Variants in NHS observed in about 807,000 individuals in gnomAD.
NHS encodes NHS actin remodeling regulator, also known as actin remodeling regulator NHS.
NHS carries 5 observed loss-of-function variants against 72.5 expected under a neutral mutation model. The observed-to-expected ratio is 0.07, with a 90% CI of 0.04 to 0.14. The LOEUF (loss-of-function observed/expected upper bound fraction) is 0.14, where lower values mean the gene tolerates loss of function less well. Among genes scored for constraint, NHS ranks in the 10% least tolerant of loss-of-function variants. The pLI is 1.00. For synonymous variants in NHS, 464 were observed against 547.7 expected, an observed-to-expected ratio of 0.85 and a Z score of 2.13; for missense variants, 1,072 against 1,355.7, an observed-to-expected ratio of 0.79 and a Z score of 3.29.
chrX:17,615,138 G>GTA lies in NHS; in HGVS notation c.566-72595_566-72594dup, dbSNP rs1182819974. Among the ~76,000 whole-genome samples, 5 of 87,265 alleles carry GTA rather than the reference G, an allele frequency of 5.7e-5. No homozygotes were observed. In the East Asian group the frequency reaches 1.1e-3, roughly 19 times the overall value. The allele number at this position is 87,265 out of a possible 115,157, so 75.8% of individuals were successfully genotyped here. The stretch of plus-strand genomic sequence containing the variant: ...TATATACACACATATACATATGTGT[G>GTA]TATATATATACGTGTATATATACTA... On this transcript the variant is annotated intron_variant, in intron 1 of 8. Transcript: ENST00000676302.
At chrX:17,423,623 C>T (rs1313880937) in intron 1 of NHS, among the ~76,000 whole-genome samples, 1 of 111,601 alleles carries the variant, frequency 9.0e-6, no homozygotes, top group Non-Finnish European at 1.9e-5. Flanking sequence ...GATCCCAGCC[C>T]AGTTTCTGGC....
In NHS at chrX:17,538,176, G is replaced by C. The variant is rs140427287; in HGVS notation, c.566-149566G>C. Among the ~76,000 whole-genome samples the C allele has an allele frequency of 2.6e-3, 288 of 112,133 alleles. 2 individuals are homozygous for C. Among genetic ancestry groups the C allele is most frequent in the African/African-American group, 8.2e-3 (252 of 30,847 alleles). The stretch of plus-strand genomic sequence containing the variant: ...GGTTTGTGCATTTCCTCATCTGCAG[G>C]CTGGCAAGGTTCCTGGACTCATATA... On this transcript the variant is annotated intron_variant, in intron 1 of 8. Coordinates refer to ENST00000676302, the MANE Select transcript of NHS (RefSeq NM_001291867.2).
intron 1 of NHS, among the ~76,000 whole-genome samples, chrX:17,449,760 C>CAGAAG (rs1455735262): frequency 1.8e-5 from 2 of 111,746 alleles, no homozygotes; most frequent in Non-Finnish European, 3.8e-5. Context: ...CTGTAAGAAC[C>CAGAAG]AGAAGTGATT....
chrX:17,703,841 C>T (rs1001640060), intron 3 of NHS, among the ~76,000 whole-genome samples: 2 of 111,886 alleles, frequency 1.8e-5, no homozygotes, highest in African/African-American at 6.5e-5. Context: ...AACCATGCTG[C>T]AGAGGTGTGA....
rs771034955 is a variant in NHS, at chrX:17,717,974, T to C, written c.853-1370T>C. Among the ~76,000 whole-genome samples the C allele has an allele frequency of 9.8e-5, 11 of 112,028 alleles. No individual in the cohort carries two copies. The South Asian group carries it at 4.1e-3, about 42-fold the overall frequency. On this transcript the variant is annotated intron_variant, in intron 3 of 8. Coordinates refer to ENST00000676302, the MANE Select transcript of NHS (RefSeq NM_001291867.2). Reference sequence around the variant, plus strand: ...ATCTAAAACATAACAAAGTTACAGTTTGCAAAGACATTTTCACAGATATTT... The same window carrying C: ...ATCTAAAACATAACAAAGTTACAGTCTGCAAAGACATTTTCACAGATATTT...
intron 1 of NHS, among the ~76,000 whole-genome samples, chrX:17,430,234 C>T (rs1313060840): frequency 4.2e-5 from 3 of 71,062 alleles, no homozygotes; most frequent in Non-Finnish European, 5.4e-5. Flanking sequence ...CCTTCCTTCC[C>T]TCCCTCCCTC....
intron 1 of NHS, among the ~76,000 whole-genome samples, chrX:17,518,975 G>A (rs896717425): frequency 1.8e-5 from 2 of 111,763 alleles, no homozygotes; most frequent in African/African-American, 6.5e-5. Flanking sequence ...CTGTTGCTTG[G>A]TTTTCTCATC....
intron 1 of NHS, among the ~76,000 whole-genome samples, chrX:17,596,722 A>G (rs1361458614): frequency 1.8e-5 from 2 of 111,710 alleles, no homozygotes; most frequent in African/African-American, 6.5e-5. Flanking sequence ...AGCCACTCCA[A>G]GTCTCAGGGG....
rs969899439 is a variant in NHS at position 17,599,221 on chromosome X, G to A, written c.566-88521G>A. On this transcript the variant is annotated intron_variant, in intron 1 of 8. Coordinates refer to ENST00000676302, the MANE Select transcript of NHS (RefSeq NM_001291867.2). Reference sequence around the variant, plus strand: ...ATACACATCTTTTGGTGAACACATGGATATAGTTCCATTGAGTATATACCC... The same window carrying A: ...ATACACATCTTTTGGTGAACACATGAATATAGTTCCATTGAGTATATACCC... Among the ~76,000 whole-genome samples, 6 of 111,726 alleles carry A rather than the reference G, an allele frequency of 5.4e-5. No homozygotes were observed. The Admixed American group carries it at 5.7e-4, about 11-fold the overall frequency.
intron 1 of NHS, among the ~76,000 whole-genome samples, chrX:17,565,409 CATT>C (rs1316372872): frequency 5.3e-5 from 6 of 112,602 alleles, no homozygotes; most frequent in African/African-American, 1.9e-4. Context: ...AATCATAAAT[CATT>C]GTTGTTTTAA....
chrX:17,515,820 G>A (rs758431327), intron 1 of NHS, among the ~76,000 whole-genome samples: 1 of 111,717 alleles, frequency 9.0e-6, no homozygotes, highest in South Asian at 3.7e-4. Flanking sequence ...TGAAGGACAC[G>A]CAGCTAGTAG....
chrX:17,681,735 A>G (rs933097159), intron 1 of NHS, among the ~76,000 whole-genome samples: 1 of 111,973 alleles, frequency 8.9e-6, no homozygotes, highest in African/African-American at 3.3e-5. Context: ...CAATAATTAA[A>G]CAGTCTTCCT....
At chrX:17,514,928 C>A (rs778837911) in intron 1 of NHS, among the ~76,000 whole-genome samples, 26 of 111,666 alleles carry the variant, frequency 2.3e-4, no homozygotes, top group African/African-American at 8.1e-4. Flanking sequence ...AGACTGGCAG[C>A]TTTATGTGGG....
intron 1 of NHS, among the ~76,000 whole-genome samples, chrX:17,604,746 C>T (rs1796626161): frequency 8.9e-6 from 1 of 112,370 alleles, no homozygotes. Flanking sequence ...TGAATGAATG[C>T]TTCCTCTAAA....
chrX:17,732,690 T>C lies in NHS; in HGVS notation c.*226T>C, dbSNP rs1384936178. 6.8e-6 allele frequency: 3 copies of C among 442,123 alleles called. No individual in the cohort carries two copies. The Admixed American group carries it at 1.2e-4, about 17-fold the overall frequency. 36.4% of individuals were successfully genotyped at this position (442,123 alleles called of 1,213,427 possible). A position where few individuals can be genotyped will look rare whatever the true frequency, so the allele number is the denominator to read the frequency against. On this transcript the variant is annotated 3_prime_UTR_variant, in exon 9 of 9. Transcript: ENST00000676302. ...AGCTGCAGTCTTTCATGTTTTTCTT[T>C]AGCATAGTTTGATTTACGCAATCTC...
At chrX:17,403,061 C>T (rs1176486227) in intron 1 of NHS, among the ~76,000 whole-genome samples, 1 of 111,918 alleles carries the variant, frequency 8.9e-6, no homozygotes, top group Non-Finnish European at 1.9e-5. Flanking sequence ...ACTCAGGGAC[C>T]CAGGTTCTTT....
At chrX:17,454,994 C>T (rs1346814700) in intron 1 of NHS, among the ~76,000 whole-genome samples, 1 of 111,721 alleles carries the variant, frequency 9.0e-6, no homozygotes, top group African/African-American at 3.3e-5. Context: ...AGGTTGAGCT[C>T]CAAGCTTAAG....
chrX:17,724,109 C>T (rs945289218), intron 5 of NHS, among the ~76,000 whole-genome samples, 190 bp from the exon 6 acceptor site: 2 of 111,946 alleles, frequency 1.8e-5, no homozygotes, highest in African/African-American at 6.5e-5. Context: ...TGGAGAGCTG[C>T]ATTTAGAAGT....
intron 1 of NHS, among the ~76,000 whole-genome samples, chrX:17,676,979 CACTG>C (rs2066085990): frequency 9.0e-6 from 1 of 111,659 alleles, no homozygotes; most frequent in African/African-American, 3.3e-5. Flanking sequence ...CTCTGTGGTC[CACTG>C]ACTGGCAACA....
Sources: allele counts gnomAD v4.1 joint callset (sites outside exome capture counted in the v4.1 genomes callset), GRCh38; gene constraint gnomAD v4.1.1; transcripts MANE v1.5; gene names NCBI Gene and HGNC (gene_info 2026-07-23, HGNC 2026-07-21).